The following GAS6 variants were observed in gnomAD, a reference collection of about 807,000 sequenced individuals.
GAS6 encodes the protein growth arrest specific 6.
GAS6 carries 41 observed loss-of-function variants against 75.8 expected under a neutral mutation model. The observed-to-expected ratio is 0.54, with a 90% confidence interval of 0.42 to 0.70. The LOEUF (loss-of-function observed/expected upper bound fraction) is 0.70. Ranked by LOEUF, GAS6 falls within the 30% of genes least tolerant of loss-of-function variation. GAS6 has a pLI of 0.00. For synonymous variants in GAS6, 432 were observed against 412.6 expected (o/e 1.05, Z -0.57); for missense variants, 854 against 940.2 (o/e 0.91, Z 1.20).
chr13:113,822,542 C>T (rs2051474938), intron 13 of GAS6: 1 of 214,014 alleles, frequency 4.7e-6, no homozygotes, highest in Admixed American at 5.6e-5. Context: ...ACCCAGGACC[C>T]AGCCCTGCGG....
intron 2 of GAS6, among the ~76,000 whole-genome samples, chr13:113,858,093 T>C (rs1555308349): frequency 6.6e-6 from 1 of 152,194 alleles, no homozygotes; most frequent in Non-Finnish European, 1.5e-5. Flanking sequence ...CTGAGGAAGC[T>C]GGGGCCACAG....
intron 2 of GAS6, among the ~76,000 whole-genome samples, chr13:113,854,273 G>A (rs538086893): frequency 3.3e-5 from 5 of 152,248 alleles, no homozygotes; most frequent in Admixed American, 1.3e-4. Flanking sequence ...CCGACGTGGT[G>A]CCTGACCCGG....
At position 113,863,450 on chromosome 13, in the gene GAS6, C is replaced by G. The variant is rs1437201380; in HGVS notation, c.255+125G>C. On this transcript the variant is annotated intron_variant, in intron 2 of 14. Transcript: ENST00000327773. The surrounding 1 kb of genome is among the most constrained non-coding windows in gnomAD (Gnocchi z 9.4). ...GGGGACGCGGGGCGGGCCGGGGCTC[C>G]TGGGACCCTGAGGCCAGGCCTCGCC... The G allele has an allele frequency of 1.8e-5, 17 of 966,016 alleles. No individual in the cohort carries two copies. The highest frequency in any genetic ancestry group is 2.3e-5 in the Non-Finnish European group (17 of 724,614). 59.8% of individuals were successfully genotyped at this position (966,016 alleles called of 1,614,324 possible).
intron 8 of GAS6, 165 bp from the exon 9 acceptor site, chr13:113,832,917 C>A: frequency 6.6e-7 from 1 of 1,506,454 alleles, no homozygotes; most frequent in Middle Eastern, 1.7e-4. Context: ...ACCTGCCCCA[C>A]TGGGACTCCC....
intron 4 of GAS6, chr13:113,843,565 A>C (rs1292327184): frequency 6.6e-6 from 1 of 151,178 alleles, no homozygotes; most frequent in African/African-American, 2.5e-5. Flanking sequence ...CCAAGCACCA[A>C]GTGGCCGCTA....
At chr13:113,834,867 G>C in intron 7 of GAS6, 195 bp from the exon 8 acceptor site, 1 of 480,388 alleles carries the variant, frequency 2.1e-6, no homozygotes, top group Non-Finnish European at 3.4e-6. Context: ...CTCCTGCCCG[G>C]GCTCTTTCTT....
intron 7 of GAS6, among the ~76,000 whole-genome samples, chr13:113,835,130 C>A (rs934650261): frequency 1.3e-5 from 2 of 152,266 alleles, no homozygotes; most frequent in African/African-American, 2.4e-5. Flanking sequence ...GGCACGGCCC[C>A]TCTTAGAGGC....
intron 4 of GAS6, chr13:113,840,123 G>A (rs917309875): frequency 8.5e-5 from 39 of 456,596 alleles, no homozygotes; most frequent in African/African-American, 7.9e-4. Flanking sequence ...AGGGCTGAGG[G>A]CAAAGGAGCA....
intron 10 of GAS6, among the ~76,000 whole-genome samples, chr13:113,830,446 C>T (rs368550049): frequency 1.6e-3 from 166 of 104,820 alleles, no homozygotes; most frequent in Non-Finnish European, 2.3e-3. Flanking sequence ...CTCCCCCAGG[C>T]GACCTCGCCT....
chr13:113,860,995 G>C (rs78790284), intron 2 of GAS6, among the ~76,000 whole-genome samples: 2 of 151,448 alleles, frequency 1.3e-5, no homozygotes. Flanking sequence ...GGTGGGCACA[G>C]AGGTTAGCAC....
chr13:113,827,856 G>A (rs868757512), intron 11 of GAS6, among the ~76,000 whole-genome samples: 5 of 152,324 alleles, frequency 3.3e-5, no homozygotes, highest in East Asian at 1.9e-4. Flanking sequence ...GAGAGAAGGC[G>A]GGACCTGGAG....
At chr13:113,838,323 G>T in intron 5 of GAS6, 132 bp from the exon 6 acceptor site, 1 of 1,081,582 alleles carries the variant, frequency 9.2e-7, no homozygotes, top group Non-Finnish European at 1.4e-6. Flanking sequence ...GCCCAGCCCT[G>T]GAGCAGAGAG....
At chr13:113,829,236 G>C (rs1187520281) in intron 10 of GAS6, among the ~76,000 whole-genome samples, 4 of 135,588 alleles carry the variant, frequency 3.0e-5, no homozygotes, top group Admixed American at 1.4e-4. Flanking sequence ...CTCAATCTCA[G>C]GCAGACCACA....
chr13:113,827,685 G>A (rs1419650483), intron 11 of GAS6, among the ~76,000 whole-genome samples: 2 of 146,050 alleles, frequency 1.4e-5, no homozygotes, highest in Non-Finnish European at 3.0e-5. Flanking sequence ...GGTGGCTTCA[G>A]CACAGGCACT....
At chr13:113,856,763 C>A (rs1242461998) in intron 2 of GAS6, among the ~76,000 whole-genome samples, 2 of 151,476 alleles carry the variant, frequency 1.3e-5, no homozygotes, top group East Asian at 3.9e-4. Flanking sequence ...GCCCACTGCG[C>A]CTCCCTGAGA....
chr13:113,828,643 C>T lies in GAS6; in HGVS notation c.1212G>A (p.Ala404=), dbSNP rs774477272. The T allele has an allele frequency of 3.4e-5, 55 of 1,613,512 alleles. No individual in the cohort carries two copies. The South Asian group carries it at 4.3e-4, about 13-fold the overall frequency. ...CCGGTTGGAACAAGTCCCCGGCCAC[C>T]GCGATTTTCATGACAGCATCCCTGT... ...KVNRDAVMKI[A]VAGDLFQPER... Residue 404 remains alanine (A), a synonymous_variant, in exon 11 of 15, where the codon GCG becomes GCA. Transcript: ENST00000327773.
chr13:113,831,740 G>T (rs1328602283), intron 10 of GAS6, among the ~76,000 whole-genome samples: 1 of 151,834 alleles, frequency 6.6e-6, no homozygotes, highest in Non-Finnish European at 1.5e-5. Context: ...ACTAAACGGG[G>T]CAGGGGTCCC....
chr13:113,823,651 A>T, intron 12 of GAS6, 101 bp from the exon 13 acceptor site: 1 of 1,208,192 alleles, frequency 8.3e-7, no homozygotes, highest in Non-Finnish European at 1.2e-6. Flanking sequence ...CCGGGGTGGG[A>T]AGCTGTGCAG....
chr13:113,841,118 T>G (rs8002816), intron 4 of GAS6: 18,665 of 152,260 alleles, frequency 0.12, 1,795 homozygotes, highest in African/African-American at 0.27. Flanking sequence ...CACCAGAGGG[T>G]CTGGGCTCGG....
Sources: allele counts gnomAD v4.1 joint callset (sites outside exome capture counted in the v4.1 genomes callset), GRCh38; gene constraint gnomAD v4.1.1; non-coding constraint Gnocchi (gnomAD v3.1); transcripts MANE v1.5; gene names NCBI Gene and HGNC (gene_info 2026-07-23, HGNC 2026-07-21).